Variants in MACROD2 observed in about 807,000 individuals in gnomAD.
The protein encoded by MACROD2 is ADP-ribose glycohydrolase MACROD2.
Under a neutral mutation model 70.4 loss-of-function variants are expected in MACROD2, and 36 were observed. That is an observed-to-expected ratio of 0.51 (90% CI 0.39 to 0.68). The LOEUF (loss-of-function observed/expected upper bound fraction) is 0.68, where lower values mean the gene tolerates loss of function less well. Among genes scored for constraint, MACROD2 ranks in the 30% least tolerant of loss-of-function variants. The pLI is 0.00. For synonymous variants in MACROD2, 172 were observed against 178.8 expected (o/e 0.96, Z 0.30); for missense variants, 496 against 538.4 (o/e 0.92, Z 0.78).
chr20:14,932,670 A>G (rs1199815030), intron 5 of MACROD2, among the ~76,000 whole-genome samples: 1 of 151,996 alleles, frequency 6.6e-6, no homozygotes, highest in Non-Finnish European at 1.5e-5. Context: ...GGTTCAAGTG[A>G]TTCTCCTGCC....
chr20:14,623,154 C>A (rs999841072), intron 4 of MACROD2: 8 of 152,188 alleles, frequency 5.3e-5, no homozygotes, highest in African/African-American at 1.9e-4. Flanking sequence ...TTGGCTGAGA[C>A]CTGTGTTACA....
intron 5 of MACROD2, among the ~76,000 whole-genome samples, chr20:15,226,162 T>G (rs969691474): frequency 3.9e-5 from 6 of 152,212 alleles, no homozygotes; most frequent in Admixed American, 1.3e-4. Context: ...TCTTTTGACT[T>G]TGAATACTGA....
chr20:14,899,386 A>G (rs2122543935), intron 5 of MACROD2, among the ~76,000 whole-genome samples: 1 of 152,268 alleles, frequency 6.6e-6, no homozygotes, highest in Non-Finnish European at 1.5e-5. Flanking sequence ...CCTGAGATCA[A>G]GGTGCTGGGT....
chr20:14,526,213 T>C (rs986891985), intron 4 of MACROD2, among the ~76,000 whole-genome samples: 8 of 152,232 alleles, frequency 5.3e-5, no homozygotes, highest in African/African-American at 1.9e-4. Flanking sequence ...ATAGAAAATA[T>C]ATTTTTTCAT....
intron 3 of MACROD2, among the ~76,000 whole-genome samples, chr20:14,153,673 A>G (rs2055054964): frequency 6.6e-6 from 1 of 152,228 alleles, no homozygotes; most frequent in African/African-American, 2.4e-5. Context: ...AGTGATTTTC[A>G]AAAAAGATGT....
At chr20:15,161,617 G>T (rs548939939) in intron 5 of MACROD2, among the ~76,000 whole-genome samples, 1 of 151,742 alleles carries the variant, frequency 6.6e-6, no homozygotes, top group South Asian at 2.1e-4. Context: ...AGTAAATTAC[G>T]ATTTTCTTCT....
At chr20:14,843,234 GAAAGAAAGCCATTATCT>G (rs1005635785) in intron 5 of MACROD2, among the ~76,000 whole-genome samples, 3 of 149,034 alleles carry the variant, frequency 2.0e-5, no homozygotes, top group African/African-American at 7.4e-5. Flanking sequence ...CTGGGGCTAG[GAAAGAAAGCCATTATCT>G]AACTGAATGG....
chr20:14,955,005 A>G (rs1307070753), intron 5 of MACROD2, among the ~76,000 whole-genome samples: 3 of 356 alleles, frequency 8.4e-3, no homozygotes, highest in Admixed American at 0.021. Context: ...TTATATATTT[A>G]TATTTATATT....
chr20:14,324,079 T>G (rs891104079), intron 3 of MACROD2: 1 of 152,558 alleles, frequency 6.6e-6, no homozygotes, highest in South Asian at 2.1e-4. Context: ...GCTGGGCAAT[T>G]TGCTACTTAG....
chr20:15,064,096 A>G (rs2075555269), intron 5 of MACROD2, among the ~76,000 whole-genome samples: 1 of 152,180 alleles, frequency 6.6e-6, no homozygotes, highest in Non-Finnish European at 1.5e-5. Context: ...TGATTGAGTG[A>G]CTACAGCCTG....
chr20:14,098,115 GA>G (rs1396144168), intron 3 of MACROD2, among the ~76,000 whole-genome samples: 11 of 152,142 alleles, frequency 7.2e-5, no homozygotes, highest in South Asian at 4.1e-4. Flanking sequence ...CTTATATACA[GA>G]CACATCAGTA....
At chr20:14,389,448 G>A (rs1053483125) in intron 3 of MACROD2, among the ~76,000 whole-genome samples, 7 of 136,652 alleles carry the variant, frequency 5.1e-5, no homozygotes, top group South Asian at 2.5e-4. Context: ...AAAAGACATA[G>A]GGTCTCCGTC....
intron 3 of MACROD2, among the ~76,000 whole-genome samples, chr20:14,153,679 G>C (rs2055055026): frequency 6.6e-6 from 1 of 152,160 alleles, no homozygotes; most frequent in African/African-American, 2.4e-5. Flanking sequence ...TTTCAAAAAA[G>C]ATGTGATATA....
chr20:14,740,763 C>A (rs1015780429), intron 5 of MACROD2, among the ~76,000 whole-genome samples: 9 of 152,022 alleles, frequency 5.9e-5, no homozygotes, highest in Admixed American at 2.6e-4. Flanking sequence ...TAAAAAAAAA[C>A]CAGGTCTCTT....
chr20:15,173,038 CTG>C (rs1039558138), intron 5 of MACROD2, among the ~76,000 whole-genome samples: 1 of 151,882 alleles, frequency 6.6e-6, no homozygotes, highest in East Asian at 1.9e-4. Flanking sequence ...CATATATAAA[CTG>C]TGTGTGTGCC....
At chr20:14,909,262 G>C (rs2073996828) in intron 5 of MACROD2, among the ~76,000 whole-genome samples, 1 of 152,102 alleles carries the variant, frequency 6.6e-6, no homozygotes, top group Non-Finnish European at 1.5e-5. Context: ...GCCACTGGCA[G>C]AAGATTACTT....
At chr20:15,983,970 T>A (rs569223999) in intron 13 of MACROD2, among the ~76,000 whole-genome samples, 2 of 152,182 alleles carry the variant, frequency 1.3e-5, no homozygotes, top group Admixed American at 6.5e-5. Flanking sequence ...TATTTAATAA[T>A]GTTTCTTGTA....
intron 3 of MACROD2, among the ~76,000 whole-genome samples, chr20:14,095,650 G>A (rs2054214014): frequency 1.3e-5 from 2 of 152,200 alleles, no homozygotes; most frequent in Admixed American, 1.3e-4. Flanking sequence ...TTCCTTAGTT[G>A]ACCTTTTGGC....
intron 6 of MACROD2, among the ~76,000 whole-genome samples, chr20:15,237,058 T>C (rs2077019778): frequency 6.6e-6 from 1 of 152,186 alleles, no homozygotes; most frequent in South Asian, 2.1e-4. Context: ...AGGGATGTTG[T>C]GACATGTGGT....
Sources: gnomAD v4.1 joint callset for allele counts (sites outside exome capture counted in the v4.1 genomes callset) on GRCh38, gnomAD v4.1.1 for gene constraint, MANE v1.5 for transcripts, NCBI Gene and HGNC (gene_info 2026-07-23, HGNC 2026-07-21) for gene names.